Variants in CDKAL1 observed in about 807,000 individuals in gnomAD.
CDKAL1 encodes threonylcarbamoyladenosine tRNA methylthiotransferase.
A neutral mutation model predicts 68.2 loss-of-function variants in CDKAL1; 32 were observed. That is an observed-to-expected ratio of 0.47 (90% confidence interval 0.35 to 0.63). CDKAL1 has a LOEUF of 0.63. Among genes scored for constraint, CDKAL1 ranks in the 30% least tolerant of loss-of-function variants. The probability of loss-of-function intolerance (pLI) is 0.00; values close to 1 mark genes in which losing one functional copy is unlikely to be tolerated. For synonymous variants in CDKAL1, 234 were observed against 244.3 expected (o/e 0.96, Z 0.39); for missense variants, 606 against 696.7 (o/e 0.87, Z 1.47).
intron 9 of CDKAL1, among the ~76,000 whole-genome samples, chr6:20,924,580 C>A (rs1416884829): frequency 6.6e-6 from 1 of 152,160 alleles, no homozygotes; most frequent in Non-Finnish European, 1.5e-5. Flanking sequence ...ACGATCAAAC[C>A]AACCATAACA....
intron 6 of CDKAL1, 127 bp from the exon 7 acceptor site, chr6:20,758,468 A>T (rs1026524445): frequency 3.0e-6 from 2 of 668,616 alleles, no homozygotes; most frequent in African/African-American, 3.6e-5. Flanking sequence ...AGTGTCTCCA[A>T]ATACATTAAA....
intron 8 of CDKAL1, among the ~76,000 whole-genome samples, chr6:20,825,280 T>G (rs1045583710): frequency 2.0e-5 from 3 of 152,124 alleles, no homozygotes; most frequent in African/African-American, 2.4e-5. Context: ...TCTATAATTG[T>G]GTGTTGAAAG....
chr6:20,605,049 TACTC>T (rs147350076), intron 4 of CDKAL1, among the ~76,000 whole-genome samples: 8,801 of 152,154 alleles, frequency 0.058, 382 homozygotes, highest in Non-Finnish European at 0.078. Context: ...ACTGAGCAAA[TACTC>T]AGAAAGAGGA....
chr6:21,015,934 C>G (rs1176468671), intron 11 of CDKAL1, among the ~76,000 whole-genome samples: 3 of 144,486 alleles, frequency 2.1e-5, no homozygotes, highest in African/African-American at 7.8e-5. Context: ...GGTGACAGAG[C>G]GAGACTCTGA....
chr6:20,817,233 A>G (rs928746627), intron 8 of CDKAL1, among the ~76,000 whole-genome samples: 9 of 152,260 alleles, frequency 5.9e-5, no homozygotes, highest in African/African-American at 1.4e-4. Context: ...TGCAGGCTCC[A>G]GTGTAAAAAA....
At chr6:20,947,864 T>C (rs536478521) in intron 9 of CDKAL1, among the ~76,000 whole-genome samples, 1 of 152,156 alleles carries the variant, frequency 6.6e-6, no homozygotes, top group Non-Finnish European at 1.5e-5. Context: ...GCGTATCGCT[T>C]TCACACCGTC....
chr6:21,201,214 A>G lies in CDKAL1; in HGVS notation c.1488A>G (p.Lys496=), dbSNP rs1254231004. The G allele has an allele frequency of 6.2e-7, 1 of 1,613,972 alleles. No homozygotes were observed. The highest frequency in any genetic ancestry group is 1.7e-5 in the Admixed American group (1 of 60,018). The change falls in exon 15 of 16, where the codon AAA becomes AAG. Residue 496 remains lysine, a synonymous_variant. Coordinates refer to ENST00000274695, the MANE Select transcript of CDKAL1 (RefSeq NM_017774.3). ...FMKGQPVSDA[K]VYTPSISKPL... The stretch of plus-strand genomic sequence containing the variant: ...AAGGGCAGCCAGTATCTGATGCCAA[A>G]GTGTACACGCCCTCCATCAGCAAAC...
At chr6:20,598,044 C>A (rs1765913291) in intron 4 of CDKAL1, among the ~76,000 whole-genome samples, 1 of 152,052 alleles carries the variant, frequency 6.6e-6, no homozygotes, top group Non-Finnish European at 1.5e-5. Context: ...CCTCTCTGTC[C>A]ATTAATATCT....
chr6:21,205,500 T>C (rs574707758), intron 15 of CDKAL1, among the ~76,000 whole-genome samples: 1 of 148,996 alleles, frequency 6.7e-6, no homozygotes, highest in South Asian at 2.1e-4. Flanking sequence ...GTTTTGATAG[T>C]AGCCATCCTA....
chr6:21,002,519 A>G (rs1397100839), intron 11 of CDKAL1, among the ~76,000 whole-genome samples: 1 of 152,180 alleles, frequency 6.6e-6, no homozygotes, highest in Admixed American at 6.6e-5. Context: ...TATATGCAGC[A>G]AGGGCAGAAG....
At chr6:20,565,400 G>A (rs990860992) in intron 4 of CDKAL1, among the ~76,000 whole-genome samples, 4 of 151,940 alleles carry the variant, frequency 2.6e-5, no homozygotes, top group African/African-American at 4.8e-5. Context: ...ACCATGCCTT[G>A]GAAAGAAAGT....
chr6:20,961,077 G>C (rs1197299290), intron 10 of CDKAL1, among the ~76,000 whole-genome samples: 2 of 152,308 alleles, frequency 1.3e-5, no homozygotes, highest in Admixed American at 6.5e-5. Context: ...AGATGTTAAA[G>C]CTCTTGGGCA....
intron 11 of CDKAL1, among the ~76,000 whole-genome samples, chr6:21,038,905 A>G (rs1422687667): frequency 6.6e-6 from 1 of 152,226 alleles, no homozygotes; most frequent in Non-Finnish European, 1.5e-5. Flanking sequence ...CAGTATATCT[A>G]ACGCTGATTT....
At chr6:20,810,787 A>C (rs975285271) in intron 8 of CDKAL1, among the ~76,000 whole-genome samples, 1 of 152,058 alleles carries the variant, frequency 6.6e-6, no homozygotes, top group Non-Finnish European at 1.5e-5. Flanking sequence ...ATATCATTAA[A>C]CATCTAGTCA....
chr6:20,565,629 T>TA (rs1224394740), intron 4 of CDKAL1, among the ~76,000 whole-genome samples: 5 of 152,112 alleles, frequency 3.3e-5, no homozygotes, highest in Non-Finnish European at 7.4e-5. Context: ...CTGAATTGTT[T>TA]AAAAATGCAT....
intron 4 of CDKAL1, among the ~76,000 whole-genome samples, chr6:20,612,997 A>ACACG (rs1201899650): frequency 9.3e-5 from 1 of 10,712 alleles, no homozygotes; most frequent in Non-Finnish European, 1.8e-4. Flanking sequence ...TTCTACACAC[A>ACACG]CACACACACA....
chr6:21,205,827 A>G (rs758249830), intron 15 of CDKAL1, among the ~76,000 whole-genome samples: 156 of 89,954 alleles, frequency 1.7e-3, no homozygotes, highest in Admixed American at 2.4e-3. Flanking sequence ...CCCCGCGCCC[A>G]GCCTTTTTTT....
rs1181710496 is a variant in CDKAL1, at chr6:21,000,263, G to T, written c.946G>T (p.Ala316Ser). Residue 316 changes from alanine to serine, a missense_variant, in exon 11 of 16, where the codon GCT becomes TCT. Ala to Ser is a moderately conservative substitution (Grantham distance 99). Coordinates refer to ENST00000274695, the MANE Select transcript of CDKAL1 (RefSeq NM_017774.3). ...AATCCTTAATCACCCCAGAGTCTAC[G>T]CTTTTCTGCACATACCAGTCCAGTC... ...AKILNHPRVY[A>S]FLHIPVQSAS... 1.2e-6 allele frequency: 2 copies of T among 1,613,764 alleles called. No individual in the cohort carries two copies. Among genetic ancestry groups the T allele is most frequent in the Non-Finnish European group, 1.7e-6 (2 of 1,179,828 alleles).
In CDKAL1 at chr6:21,069,770, C is replaced by CT. The variant is rs1771654458; in HGVS notation, c.1236+4545dup. 6.4e-4 allele frequency among the ~76,000 whole-genome samples: 27 copies of CT among 42,244 alleles called. 1 individual carries two copies. Among genetic ancestry groups the CT allele is most frequent in the Non-Finnish European group, 1.0e-3 (18 of 17,364 alleles). The allele number at this position is 42,244 out of a possible 152,430, so 27.7% of individuals were successfully genotyped here. On this transcript the variant is annotated intron_variant, in intron 12 of 15. Transcript: ENST00000274695. ...TGCCCAATAAAATCCCCCAGATTTT[C>CT]TTTCTTTTTTTTTTTTTTTTTTTTT... is the stretch of plus-strand genomic sequence containing the variant.
Sources: allele counts gnomAD v4.1 joint callset (sites outside exome capture counted in the v4.1 genomes callset), GRCh38; gene constraint gnomAD v4.1.1; transcripts MANE v1.5; gene names NCBI Gene and HGNC (gene_info 2026-07-23, HGNC 2026-07-21).